The following SNX9 variants were observed in gnomAD, a reference collection of about 807,000 sequenced individuals.
SNX9 encodes the protein sorting nexin 9, also known as sorting nexin-9.
A neutral mutation model predicts 89.4 loss-of-function variants in SNX9; 44 were observed. The ratio of observed to expected loss-of-function variants is 0.49; its 90% CI spans 0.39 to 0.63. The LOEUF (loss-of-function observed/expected upper bound fraction) is 0.63, where lower values mean the gene tolerates loss of function less well. Among genes scored for constraint, SNX9 ranks in the 30% least tolerant of loss-of-function variants. The pLI is 0.00. For synonymous variants in SNX9, 236 were observed against 247.8 expected (o/e 0.95, Z 0.45); for missense variants, 578 against 736.1 (o/e 0.79, Z 2.49).
Position 157,885,137 on chromosome 6 carries a change from A to AT in SNX9, c.300+9964dup, listed in dbSNP as rs1258274090. 5 of 152,344 alleles carry AT rather than the reference A, an allele frequency of 3.3e-5. No homozygotes were observed. The East Asian group carries it at 9.6e-4, about 29-fold the overall frequency. 9.4% of individuals were successfully genotyped at this position (152,344 alleles called of 1,614,324 possible). A position where few individuals can be genotyped will look rare whatever the true frequency, so the allele number is the denominator to read the frequency against. ...AATTTTTAGTGTTTTAATTATCTTT[A>AT]TTTAAAAAATAAACACCTGAAATTG... On this transcript the variant is annotated intron_variant, in intron 4 of 17. Transcript: ENST00000392185.
intron 9 of SNX9, among the ~76,000 whole-genome samples, chr6:157,916,330 G>A (rs112991902): frequency 0.026 from 3,883 of 152,232 alleles, 114 homozygotes; most frequent in African/African-American, 0.07. Context: ...CACCGTGCCC[G>A]GCCCTCTTTT....
At position 157,845,392 on chromosome 6, in the gene SNX9, C is replaced by T. The variant is rs528345430; in HGVS notation, c.12+21946C>T. Reference sequence around the variant, plus strand: ...TCCCAAAGTGCTGGGATTACAGGTGCGAGCCACCGTGCCCGGCCCCATTTG... The same window carrying T: ...TCCCAAAGTGCTGGGATTACAGGTGTGAGCCACCGTGCCCGGCCCCATTTG... On this transcript the variant is annotated intron_variant, in intron 1 of 17. Coordinates refer to ENST00000392185, the MANE Select transcript of SNX9 (RefSeq NM_016224.5). Among the ~76,000 whole-genome samples the T allele has an allele frequency of 4.7e-4, 71 of 152,090 alleles. No homozygotes were observed. In the South Asian group the frequency reaches 0.013, roughly 28 times the overall value.
At chr6:157,845,139 G>A (rs1350620886) in intron 1 of SNX9, among the ~76,000 whole-genome samples, 4 of 127,250 alleles carry the variant, frequency 3.1e-5, no homozygotes, top group Non-Finnish European at 6.5e-5. Context: ...ACGGAGTTCC[G>A]CTCTTGTCGC....
At chr6:157,886,178 G>A (rs537063315) in intron 4 of SNX9, among the ~76,000 whole-genome samples, 1 of 152,128 alleles carries the variant, frequency 6.6e-6, no homozygotes, top group Non-Finnish European at 1.5e-5. Context: ...GTCTAACCAT[G>A]TCATCCAAAC....
intron 9 of SNX9, among the ~76,000 whole-genome samples, chr6:157,913,669 C>G (rs1783398226): frequency 1.3e-5 from 2 of 152,198 alleles, no homozygotes; most frequent in South Asian, 4.1e-4. Flanking sequence ...TCCCCCTGGT[C>G]CTAACCATGG....
chr6:157,906,484 G>C (rs1181541028), intron 7 of SNX9, among the ~76,000 whole-genome samples: 1 of 152,116 alleles, frequency 6.6e-6, no homozygotes, highest in Non-Finnish European at 1.5e-5. Context: ...GTGTCTTGAA[G>C]TGTATTTTAC....
chr6:157,909,533 C>T (rs1783293845), intron 7 of SNX9, 132 bp from the exon 8 acceptor site: 8 of 1,062,236 alleles, frequency 7.5e-6, no homozygotes, highest in African/African-American at 1.6e-5. Context: ...ATTTATGTAC[C>T]TTTCAAAGAG....
At position 157,945,005 on chromosome 6, in the gene SNX9, G is replaced by T. The variant is rs1263301255; in HGVS notation, c.*2167G>T. ...ATACGTTGATGTTTTGATTTTTAAT[G>T]ATTTGTATCAACCTGTAGGTACCAC... On this transcript the variant is annotated 3_prime_UTR_variant, in exon 18 of 18. Transcript: ENST00000392185. The T allele has an allele frequency of 1.3e-5, 2 of 152,186 alleles. No homozygotes were observed. Among genetic ancestry groups the T allele is most frequent in the Non-Finnish European group, 2.9e-5 (2 of 68,028 alleles). The allele number at this position is 152,186 out of a possible 1,614,324, so 9.4% of individuals were successfully genotyped here. A position where few individuals can be genotyped will look rare whatever the true frequency, so the allele number is the denominator to read the frequency against.
At chr6:157,938,768 T>G (rs1462013310) in intron 16 of SNX9, 21 bp downstream of exon 16, 1 of 1,583,662 alleles carries the variant, frequency 6.3e-7, no homozygotes, top group Non-Finnish European at 8.6e-7. Context: ...AGGGTCCTTA[T>G]GAGGTGCTGG....
chr6:157,828,361 A>G (rs1231318117), intron 1 of SNX9, among the ~76,000 whole-genome samples: 3 of 152,210 alleles, frequency 2.0e-5, no homozygotes, highest in African/African-American at 7.2e-5. Flanking sequence ...AAATTAAATT[A>G]TAGTTTTACT....
rs113741186 is a variant in SNX9, at chr6:157,921,681, T to C, written c.1080+20T>C. 618 of 1,608,364 alleles carry C rather than the reference T, an allele frequency of 3.8e-4. 1 individual carries two copies. The highest frequency in any genetic ancestry group is 3.4e-3 in the African/African-American group (255 of 74,910). On this transcript the variant is annotated intron_variant, in intron 10 of 17. Coordinates refer to ENST00000392185, the MANE Select transcript of SNX9 (RefSeq NM_016224.5). ...GAGAAGGTAGGACATTGTGTTAATA[T>C]GGCATCAGAGAATATTGAGAGTTGT... is the stretch of plus-strand genomic sequence containing the variant.
At chr6:157,871,798 A>G (rs1365974123) in intron 2 of SNX9, among the ~76,000 whole-genome samples, 1 of 138,510 alleles carries the variant, frequency 7.2e-6, no homozygotes, top group Non-Finnish European at 1.5e-5. Flanking sequence ...TTTTTTGCAG[A>G]CAGGCTCTCA....
intron 4 of SNX9, among the ~76,000 whole-genome samples, chr6:157,876,071 AT>A (rs200351981): frequency 5.1e-4 from 76 of 150,294 alleles, no homozygotes; most frequent in African/African-American, 1.5e-3. Flanking sequence ...TTATTTCTTG[AT>A]TTTTTTTTTA....
chr6:157,840,420 T>TTTCTTTCCTTTCCTTCC (rs199981713), intron 1 of SNX9, among the ~76,000 whole-genome samples: 2 of 118,590 alleles, frequency 1.7e-5, no homozygotes, highest in African/African-American at 6.6e-5. Flanking sequence ...TCTTTCTTTC[T>TTTCTTTCCTTTCCTTCC]TTTCTTTCTT....
intron 12 of SNX9, among the ~76,000 whole-genome samples, chr6:157,930,587 A>C (rs1783791903): frequency 6.6e-6 from 1 of 152,152 alleles, no homozygotes; most frequent in Non-Finnish European, 1.5e-5. Context: ...CTGTCAGATC[A>C]GCGGTGGCAT....
chr6:157,823,328 C>T lies in SNX9; in HGVS notation c.-107C>T. The T allele has an allele frequency of 9.6e-7, 1 of 1,040,094 alleles. No homozygotes were observed. The allele number at this position is 1,040,094 out of a possible 1,614,324, so 64.4% of individuals were successfully genotyped here. A position where few individuals can be genotyped will look rare whatever the true frequency, so the allele number is the denominator to read the frequency against. On this transcript the variant is annotated 5_prime_UTR_variant, in exon 1 of 18. Coordinates refer to ENST00000392185, the MANE Select transcript of SNX9 (RefSeq NM_016224.5). This position sits in a 1 kb window ranked among gnomAD's most constrained non-coding sequence, Gnocchi z 4.6. ...GAGGAGCGGCCGCCGCGCCGGGGCC[C>T]AGCCGGAGCCGCCGCCCTCGCCCTT... is the stretch of plus-strand genomic sequence containing the variant.
chr6:157,867,693 G>T, intron 2 of SNX9, 60 bp downstream of exon 2: 3 of 1,317,172 alleles, frequency 2.3e-6, no homozygotes, highest in Non-Finnish European at 3.1e-6. Flanking sequence ...TAACAAATCC[G>T]GTAAGAGAAC....
chr6:157,925,035 G>T (rs1190816406), intron 10 of SNX9, among the ~76,000 whole-genome samples: 1 of 152,196 alleles, frequency 6.6e-6, no homozygotes, highest in Non-Finnish European at 1.5e-5. Context: ...TATGCAGGAA[G>T]ATGTGGATAA....
intron 4 of SNX9, among the ~76,000 whole-genome samples, chr6:157,891,234 G>A (rs867203829): frequency 2.6e-5 from 4 of 151,726 alleles, no homozygotes; most frequent in Non-Finnish European, 5.9e-5. Context: ...TCACCATGTT[G>A]GCTAGGCTGG....
Sources: allele counts gnomAD v4.1 joint callset (sites outside exome capture counted in the v4.1 genomes callset), GRCh38; gene constraint gnomAD v4.1.1; non-coding constraint Gnocchi (gnomAD v3.1); transcripts MANE v1.5; gene names NCBI Gene and HGNC (gene_info 2026-07-23, HGNC 2026-07-21).